ASPH: variants seen among roughly 807,000 people sequenced by gnomAD.
ASPH encodes the protein aspartyl/asparaginyl beta-hydroxylase.
In ASPH, 100 loss-of-function variants were observed where a neutral mutation model predicts 118.4. That is an observed-to-expected ratio of 0.84 (90% confidence interval 0.72 to 1.00). The LOEUF (loss-of-function observed/expected upper bound fraction) is 1.00, where lower values mean the gene tolerates loss of function less well. ASPH is among the 50% of genes least tolerant of loss of function. The probability of loss-of-function intolerance (pLI) is 0.00; values close to 1 mark genes in which losing one functional copy is unlikely to be tolerated. For missense variants in ASPH, 920 were observed against 919.5 expected (o/e 1.00, Z -0.01); for synonymous variants, 315 against 325.6 (o/e 0.97, Z 0.35).
chr8:61,667,569 A>G (rs543423275), intron 3 of ASPH, among the ~76,000 whole-genome samples: 1 of 152,158 alleles, frequency 6.6e-6, no homozygotes, highest in East Asian at 1.9e-4. Context: ...GTTTCACCAT[A>G]TTGCTCAGGC....
intron 5 of ASPH, among the ~76,000 whole-genome samples, chr8:61,647,752 C>G (rs1254075928): frequency 6.6e-6 from 1 of 152,122 alleles, no homozygotes; most frequent in Admixed American, 6.6e-5. Context: ...TTACCTGAAT[C>G]ATACTATGCA....
chr8:61,578,278 T>C, intron 15 of ASPH: 1 of 1,589,048 alleles, frequency 6.3e-7, no homozygotes, highest in Non-Finnish European at 8.6e-7. Flanking sequence ...CCCCGGGCCT[T>C]CAGCAGCCGC....
chr8:61,681,816 G>C (rs1011113983), intron 2 of ASPH, among the ~76,000 whole-genome samples: 14 of 151,664 alleles, frequency 9.2e-5, no homozygotes, highest in African/African-American at 3.4e-4. Flanking sequence ...TTATCATAAG[G>C]AACACTGTTA....
chr8:61,647,755 A>G lies in ASPH; in HGVS notation c.491-877T>C, dbSNP rs1216739728. ...TAGGTCACAGGTTTACCTGAATCATACTATGCATTCAAATGTTCCTATTAG... is the reference window on the plus strand; with the variant it reads ...TAGGTCACAGGTTTACCTGAATCATGCTATGCATTCAAATGTTCCTATTAG... On this transcript the variant is annotated intron_variant, in intron 5 of 24. Coordinates refer to ENST00000379454, the MANE Select transcript of ASPH (RefSeq NM_004318.4). Among the ~76,000 whole-genome samples the G allele has an allele frequency of 3.3e-5, 5 of 152,320 alleles. No individual in the cohort carries two copies. The South Asian group carries it at 1.0e-3, about 32-fold the overall frequency.
intron 3 of ASPH, among the ~76,000 whole-genome samples, chr8:61,667,737 C>T (rs567421752): frequency 6.6e-6 from 1 of 152,276 alleles, no homozygotes; most frequent in South Asian, 2.1e-4. Flanking sequence ...TATACATTTA[C>T]ATCCAAGTTT....
chr8:61,586,997 T>C (rs1839668718), intron 14 of ASPH, among the ~76,000 whole-genome samples: 1 of 152,228 alleles, frequency 6.6e-6, no homozygotes, highest in Non-Finnish European at 1.5e-5. Flanking sequence ...AGTGGGTATG[T>C]CCAATTCTGG....
intron 20 of ASPH, among the ~76,000 whole-genome samples, chr8:61,549,820 T>C (rs1457481410): frequency 6.6e-6 from 1 of 152,186 alleles, no homozygotes; most frequent in Non-Finnish European, 1.5e-5. Flanking sequence ...ATAAAGTGTA[T>C]TGCTAGAATA....
intron 2 of ASPH, among the ~76,000 whole-genome samples, chr8:61,682,257 G>A (rs1002973107): frequency 1.3e-5 from 2 of 152,048 alleles, no homozygotes; most frequent in African/African-American, 4.8e-5. Context: ...TCAAGGCTAT[G>A]CAGAGTACAG....
At chr8:61,594,004 G>A (rs1473023849) in intron 14 of ASPH, among the ~76,000 whole-genome samples, 1 of 152,202 alleles carries the variant, frequency 6.6e-6, no homozygotes, top group Non-Finnish European at 1.5e-5. Flanking sequence ...TATATACTCA[G>A]CAGCGGATAC....
At chr8:61,698,715 C>G (rs959139503) in intron 1 of ASPH, among the ~76,000 whole-genome samples, 1 of 152,088 alleles carries the variant, frequency 6.6e-6, no homozygotes, top group African/African-American at 2.4e-5. Flanking sequence ...CTGTTAGCCG[C>G]CAGTCAATTA....
chr8:61,503,556 A>C, intron 24 of ASPH, 47 bp from the exon 25 acceptor site: 1 of 1,531,340 alleles, frequency 6.5e-7, no homozygotes, highest in Non-Finnish European at 8.9e-7. Flanking sequence ...TGTGTGGTTC[A>C]GATGTCTGAG....
At chr8:61,699,849 ATG>A (rs1268031216) in intron 1 of ASPH, among the ~76,000 whole-genome samples, 1 of 152,188 alleles carries the variant, frequency 6.6e-6, no homozygotes, top group African/African-American at 2.4e-5. Flanking sequence ...TCCCCAGTGG[ATG>A]TCCACTCAAG....
intron 1 of ASPH, among the ~76,000 whole-genome samples, chr8:61,699,057 G>A (rs1226382957): frequency 6.6e-6 from 1 of 152,222 alleles, no homozygotes; most frequent in African/African-American, 2.4e-5. Flanking sequence ...AACCAAGTGG[G>A]CGCTGGGACA....
intron 1 of ASPH, among the ~76,000 whole-genome samples, chr8:61,693,394 A>G (rs1833143802): frequency 6.6e-6 from 1 of 152,166 alleles, no homozygotes. Context: ...GCTCCATCAT[A>G]ATGACTGTAA....
intron 20 of ASPH, among the ~76,000 whole-genome samples, chr8:61,550,864 A>G: frequency 6.6e-6 from 1 of 152,164 alleles, no homozygotes; most frequent in East Asian, 1.9e-4. Context: ...GGTGAGGGGG[A>G]TGCCAAAAAC....
At chr8:61,567,368 G>A in intron 16 of ASPH, 50 bp from the exon 17 acceptor site, 2 of 1,531,030 alleles carry the variant, frequency 1.3e-6, no homozygotes, top group East Asian at 2.4e-5. Flanking sequence ...AGCTGTGTTT[G>A]TAATTACCCA....
chr8:61,709,561 G>C (rs1837565594), intron 1 of ASPH, among the ~76,000 whole-genome samples: 1 of 152,204 alleles, frequency 6.6e-6, no homozygotes, highest in Non-Finnish European at 1.5e-5. Context: ...ATAGATGGCT[G>C]AGGCTTTTCC....
chr8:61,664,674 GA>G, intron 3 of ASPH: 7 of 986,054 alleles, frequency 7.1e-6, no homozygotes, highest in Non-Finnish European at 8.4e-6. Flanking sequence ...GGGGAGATAA[GA>G]GGGAAAAGGG....
intron 1 of ASPH, chr8:61,684,572 G>A (rs1829646968): frequency 6.1e-6 from 1 of 162,660 alleles, no homozygotes; most frequent in Non-Finnish European, 1.3e-5. Flanking sequence ...TTTCATTTCT[G>A]CAGAATCTTA....
Sources: gnomAD v4.1 joint callset for allele counts (sites outside exome capture counted in the v4.1 genomes callset) on GRCh38, gnomAD v4.1.1 for gene constraint, MANE v1.5 for transcripts, NCBI Gene and HGNC (gene_info 2026-07-23, HGNC 2026-07-21) for gene names.